The following WSCD2 variants were observed in gnomAD, a reference collection of about 807,000 sequenced individuals.
WSCD2 encodes the protein WSC domain sialate O sulfotransferase 2.
A neutral mutation model predicts 55.7 loss-of-function variants in WSCD2; 28 were observed. That is an observed-to-expected ratio of 0.50 (90% CI 0.37 to 0.69). The LOEUF is 0.69. WSCD2 is among the 30% of genes least tolerant of loss of function. The pLI, the probability that WSCD2 is intolerant of heterozygous loss-of-function variation, is 0.00. For missense variants in WSCD2, 616 were observed against 762.1 expected (o/e 0.81, Z 2.26); for synonymous variants, 301 against 301.9 (o/e 1.00, Z 0.03).
chr12:108,206,505 TG>T (rs1486818079), intron 3 of WSCD2, 102 bp downstream of exon 3: 3 of 1,141,108 alleles, frequency 2.6e-6, no homozygotes, highest in Middle Eastern at 4.0e-4. Context: ...TGTTGAAGGG[TG>T]AGCACGTGAC....
At chr12:108,165,357 C>G (rs999469041) in intron 1 of WSCD2, among the ~76,000 whole-genome samples, 2 of 152,124 alleles carry the variant, frequency 1.3e-5, no homozygotes, top group Non-Finnish European at 2.9e-5. Flanking sequence ...TTGTGCATAC[C>G]CAGGCTCTGT....
rs945981310 is a variant in WSCD2 at position 108,176,118 on chromosome 12, C to T, written c.-551-19164C>T. ...CCTCCCAAAGTGCTGGGATTACAGG[C>T]GCGAGCCACCACGCCCGGCCTATTG... On this transcript the variant is annotated intron_variant, in intron 1 of 8. Coordinates refer to ENST00000547525, the MANE Select transcript of WSCD2 (RefSeq NM_014653.4). Among the ~76,000 whole-genome samples the T allele has an allele frequency of 9.2e-5, 14 of 152,282 alleles. No homozygotes were observed. In the South Asian group the frequency reaches 2.5e-3, roughly 27 times the overall value.
At chr12:108,208,653 A>G (rs1276490245) in intron 3 of WSCD2, among the ~76,000 whole-genome samples, 1 of 152,160 alleles carries the variant, frequency 6.6e-6, no homozygotes, top group Non-Finnish European at 1.5e-5. Flanking sequence ...GTACAAAGGG[A>G]GTATCAGGAG....
At chr12:108,216,282 T>A (rs1886819563) in intron 4 of WSCD2, among the ~76,000 whole-genome samples, 1 of 152,230 alleles carries the variant, frequency 6.6e-6, no homozygotes, top group African/African-American at 2.4e-5. Flanking sequence ...GTTCACCTCA[T>A]AGGTTGCTGT....
chr12:108,179,266 G>GAGCT (rs1881343835), intron 1 of WSCD2, among the ~76,000 whole-genome samples: 3 of 151,548 alleles, frequency 2.0e-5, no homozygotes, highest in African/African-American at 7.3e-5. Context: ...GCGGGGGAGG[G>GAGCT]GGGGCAGAGG....
At chr12:108,169,408 TC>T (rs1477595416) in intron 1 of WSCD2, among the ~76,000 whole-genome samples, 4 of 152,062 alleles carry the variant, frequency 2.6e-5, no homozygotes, top group African/African-American at 9.7e-5. Flanking sequence ...GGACCACTGT[TC>T]TAGGGTATTC....
chr12:108,212,619 A>T (rs1486506621), intron 4 of WSCD2, among the ~76,000 whole-genome samples: 4 of 134,554 alleles, frequency 3.0e-5, no homozygotes, highest in Admixed American at 7.1e-5. Context: ...TCTCTCACAC[A>T]CACACACACA....
chr12:108,245,913 G>C (rs948495276), intron 8 of WSCD2, among the ~76,000 whole-genome samples: 12 of 152,220 alleles, frequency 7.9e-5, no homozygotes, highest in Non-Finnish European at 1.6e-4. Context: ...TGTTCCAGGG[G>C]ACTTGGTGGG....
At chr12:108,242,401 C>T (rs889688142) in intron 8 of WSCD2, among the ~76,000 whole-genome samples, 1 of 152,130 alleles carries the variant, frequency 6.6e-6, no homozygotes, top group African/African-American at 2.4e-5. Flanking sequence ...AACTGGTCAC[C>T]AGGCTGAGAT....
At chr12:108,156,975 C>T (rs1455122520) in intron 1 of WSCD2, among the ~76,000 whole-genome samples, 1 of 152,218 alleles carries the variant, frequency 6.6e-6, no homozygotes, top group Non-Finnish European at 1.5e-5. Flanking sequence ...GAACCTCTGG[C>T]TTGTTCCCTG....
At chr12:108,188,289 G>A (rs566361678) in intron 1 of WSCD2, among the ~76,000 whole-genome samples, 26 of 152,052 alleles carry the variant, frequency 1.7e-4, no homozygotes, top group Non-Finnish European at 3.4e-4. Flanking sequence ...GGCAACATAC[G>A]GGTGTGCCTA....
chr12:108,190,226 T>G (rs892922550), intron 1 of WSCD2, among the ~76,000 whole-genome samples: 42 of 152,170 alleles, frequency 2.8e-4, no homozygotes, highest in African/African-American at 9.9e-4. Context: ...TTCTGATATT[T>G]TTATTATTAG....
chr12:108,248,956 A>G lies in WSCD2; in HGVS notation c.*613A>G. 1.0e-6 allele frequency: 1 copy of G among 979,108 alleles called. No individual in the cohort carries two copies. The allele number at this position is 979,108 out of a possible 1,614,324, so 60.7% of individuals were successfully genotyped here. A position where few individuals can be genotyped will look rare whatever the true frequency, so the allele number is the denominator to read the frequency against. ...TGCTCACAGTAGGTTAATTGGAGACACCATGTGGGGCCATTGGTGTTATGA... is the reference window on the plus strand; with the variant it reads ...TGCTCACAGTAGGTTAATTGGAGACGCCATGTGGGGCCATTGGTGTTATGA... On this transcript the variant is annotated 3_prime_UTR_variant, in exon 9 of 9. Transcript: ENST00000547525. This position sits in a 1 kb window ranked among gnomAD's most constrained non-coding sequence, Gnocchi z 4.3.
chr12:108,232,856 A>C lies in WSCD2; in HGVS notation c.1105A>C (p.Thr369Pro). 1 of 1,613,828 alleles carries C rather than the reference A, an allele frequency of 6.2e-7. No individual in the cohort carries two copies. Among genetic ancestry groups the C allele is most frequent in the Non-Finnish European group, 8.5e-7 (1 of 1,179,784 alleles). The change falls in exon 7 of 9, where the codon ACT (threonine) becomes CCT (proline). Residue 369 changes from threonine (T) to proline (P), a missense_variant. By Grantham distance (38) the Thr-to-Pro change is conservative. Coordinates refer to ENST00000547525, the MANE Select transcript of WSCD2 (RefSeq NM_014653.4). ...HLIELATGFY[T>P]GSYYFDGSLY... The stretch of plus-strand genomic sequence containing the variant: ...CATTGAATTGGCCACAGGCTTCTAC[A>C]CTGGCAGCTACTACTTCGATGGCTC...
chr12:108,248,732 A>AG lies in WSCD2; in HGVS notation c.*394dup. On this transcript the variant is annotated 3_prime_UTR_variant, in exon 9 of 9. Coordinates refer to ENST00000547525, the MANE Select transcript of WSCD2 (RefSeq NM_014653.4). This position sits in a 1 kb window ranked among gnomAD's most constrained non-coding sequence, Gnocchi z 4.3. Reference sequence around the variant, plus strand: ...GTCAAGGCTCTTGATGCAAGAGCCCAGGGGGCTATTGTAAAAACTTGGCCC... The same window carrying AG: ...GTCAAGGCTCTTGATGCAAGAGCCCAGGGGGGCTATTGTAAAAACTTGGCCC... 1 of 1,007,936 alleles carries AG rather than the reference A, an allele frequency of 9.9e-7. No homozygotes were observed. Among genetic ancestry groups the AG allele is most frequent in the Non-Finnish European group, 1.2e-6 (1 of 842,416 alleles). The allele number at this position is 1,007,936 out of a possible 1,614,324, so 62.4% of individuals were successfully genotyped here.
At chr12:108,130,472 T>TGGGG (rs34008265) in intron 1 of WSCD2, among the ~76,000 whole-genome samples, 1 of 126,478 alleles carries the variant, frequency 7.9e-6, no homozygotes, top group African/African-American at 2.9e-5. Flanking sequence ...ATGTCCATTC[T>TGGGG]GGGGTGTGTG....
intron 1 of WSCD2, among the ~76,000 whole-genome samples, chr12:108,176,308 T>C (rs1024591085): frequency 6.6e-6 from 1 of 151,956 alleles, no homozygotes; most frequent in Non-Finnish European, 1.5e-5. Context: ...TCTTTGCCCC[T>C]CTGTGGTCAA....
intron 8 of WSCD2, among the ~76,000 whole-genome samples, chr12:108,242,622 CTTTTA>C (rs1222436604): frequency 1.3e-5 from 2 of 152,030 alleles, no homozygotes; most frequent in Non-Finnish European, 2.9e-5. Flanking sequence ...TTTTTTTCAA[CTTTTA>C]TTTTAAGTTC....
Position 108,206,270 on chromosome 12 carries a change from C to T in WSCD2, c.383-19C>T, listed in dbSNP as rs202105305. ...CAGCTTTGTCCCCAGCCACCTTTGACGTTTTCCTTTCCCCAAAGCCAAGTA... is the reference window on the plus strand; with the variant it reads ...CAGCTTTGTCCCCAGCCACCTTTGATGTTTTCCTTTCCCCAAAGCCAAGTA... On this transcript the variant is annotated intron_variant, in intron 2 of 8. Coordinates refer to ENST00000547525, the MANE Select transcript of WSCD2 (RefSeq NM_014653.4). The T allele has an allele frequency of 3.9e-4, 631 of 1,609,124 alleles. 1 individual carries two copies. Among genetic ancestry groups the T allele is most frequent in the Admixed American group, 1.7e-4 (10 of 59,988 alleles).
Sources: allele counts gnomAD v4.1 joint callset (sites outside exome capture counted in the v4.1 genomes callset), GRCh38; gene constraint gnomAD v4.1.1; non-coding constraint Gnocchi (gnomAD v3.1); transcripts MANE v1.5; gene names NCBI Gene and HGNC (gene_info 2026-07-23, HGNC 2026-07-21).